The following UBR7 variants were observed in gnomAD, a reference collection of about 807,000 sequenced individuals.
UBR7 encodes ubiquitin protein ligase E3 component n-recognin 7.
UBR7 carries 22 observed loss-of-function variants against 57.0 expected under a neutral mutation model. The observed-to-expected ratio is 0.39, with a 90% CI of 0.28 to 0.55. The LOEUF is 0.55. Ranked by LOEUF, UBR7 falls within the 20% of genes least tolerant of loss-of-function variation. The pLI, the probability that UBR7 is intolerant of heterozygous loss-of-function variation, is 0.69. For synonymous variants in UBR7, 167 were observed against 179.8 expected, an observed-to-expected ratio of 0.93 and a Z score of 0.57; for missense variants, 395 against 513.2, an observed-to-expected ratio of 0.77 and a Z score of 2.23.
In UBR7 at chr14:93,223,394, C is replaced by CAAAA. The variant is rs34453404; in HGVS notation, c.1185+1037_1185+1040dup. ...TGGGTGACAGAGCAAGACTCCATCT[C>CAAAA]AAAAAAAAAAAAAAAAAAAAGAACT... On this transcript the variant is annotated intron_variant, in intron 10 of 10. Coordinates refer to ENST00000013070, the MANE Select transcript of UBR7 (RefSeq NM_175748.4). Among the ~76,000 whole-genome samples, 149 of 94,096 alleles carry CAAAA rather than the reference C, an allele frequency of 1.6e-3. 1 individual carries two copies. In the South Asian group the frequency reaches 0.035, roughly 22 times the overall value. The allele number at this position is 94,096 out of a possible 152,430, so 61.7% of individuals were successfully genotyped here.
At position 93,212,053 on chromosome 14, in the gene UBR7, G is replaced by C. The variant is rs765995405; in HGVS notation, c.367G>C (p.Gly123Arg). The C allele has an allele frequency of 1.9e-6, 3 of 1,612,468 alleles. No individual in the cohort carries two copies. The highest frequency in any genetic ancestry group is 2.5e-6 in the Non-Finnish European group (3 of 1,179,062). Residue 123 changes from glycine (G) to arginine (R), a missense_variant, in exon 4 of 11, where the codon GGC becomes CGC. Coordinates refer to ENST00000013070, the MANE Select transcript of UBR7 (RefSeq NM_175748.4). Reference protein sequence around the residue: ...LLPDKAKVNSGNKYNDNFFGL... With the variant: ...LLPDKAKVNSRNKYNDNFFGL... ...TCAGGACAAAGCAAAGGTAAATTCT[G>C]GCAATAAGTACAATGACAACTTTTT...
chr14:93,224,479 T>C (rs1001916038), intron 10 of UBR7, among the ~76,000 whole-genome samples: 19 of 149,854 alleles, frequency 1.3e-4, no homozygotes, highest in Admixed American at 1.0e-3. Context: ...CCCAGGTTCA[T>C]GTCATTCTCC....
At chr14:93,223,916 C>G (rs140488897) in intron 10 of UBR7, 3 of 724,862 alleles carry the variant, frequency 4.1e-6, no homozygotes, top group East Asian at 5.1e-5. Context: ...GTTCTTGACC[C>G]GCGGTGGGGA....
intron 10 of UBR7, chr14:93,223,669 C>A (rs1366551715): frequency 8.8e-6 from 12 of 1,364,920 alleles, no homozygotes; most frequent in Admixed American, 1.8e-5. Context: ...GGTGGGGCAG[C>A]GGGAAACTTG....
Position 93,218,640 on chromosome 14 carries a change from G to C in UBR7, c.715G>C (p.Asp239His), listed in dbSNP as rs774192829. The change falls in exon 7 of 11, where the codon GAT becomes CAT. Residue 239 changes from aspartate (D) to histidine (H), a missense_variant. Physicochemically the swap from Asp to His is moderately conservative, Grantham distance 81 (BLOSUM62 -1). Coordinates refer to ENST00000013070, the MANE Select transcript of UBR7 (RefSeq NM_175748.4). ...GEHQDSTLKE[D>H]VPEQGKDDVR... ...GCATCAAGATAGTACCCTCAAAGAGGATGTTCCAGAACAGGGAAAGGATGA... is the reference window on the plus strand; with the variant it reads ...GCATCAAGATAGTACCCTCAAAGAGCATGTTCCAGAACAGGGAAAGGATGA... 3.1e-6 allele frequency: 5 copies of C among 1,614,134 alleles called. No individual in the cohort carries two copies. Among genetic ancestry groups the C allele is most frequent in the Non-Finnish European group, 8.5e-7 (1 of 1,180,034 alleles).
intron 6 of UBR7, among the ~76,000 whole-genome samples, chr14:93,215,566 G>A (rs1894574039): frequency 6.6e-6 from 1 of 151,782 alleles, no homozygotes; most frequent in East Asian, 1.9e-4. Flanking sequence ...GCGCTTGCCT[G>A]TAATCCCAGC....
At chr14:93,208,315 A>T (rs1894409796) in intron 1 of UBR7, among the ~76,000 whole-genome samples, 1 of 152,012 alleles carries the variant, frequency 6.6e-6, no homozygotes, top group Non-Finnish European at 1.5e-5. Context: ...TGTGGTATGA[A>T]CTGAGATCAT....
At chr14:93,219,722 C>T (rs573222795) in intron 8 of UBR7, among the ~76,000 whole-genome samples, 1 of 152,230 alleles carries the variant, frequency 6.6e-6, no homozygotes, top group South Asian at 2.1e-4. Context: ...GCCTGTAATC[C>T]CAGCACTCTG....
intron 6 of UBR7, among the ~76,000 whole-genome samples, chr14:93,216,395 T>G (rs375916588): frequency 1.1e-4 from 16 of 152,258 alleles, no homozygotes; most frequent in East Asian, 3.9e-4. Flanking sequence ...AACAACTAAT[T>G]AATGAATGGT....
At position 93,218,730 on chromosome 14, in the gene UBR7, C is replaced by T. The variant is rs1352937537; in HGVS notation, c.805C>T (p.Leu269Phe). The T allele has an allele frequency of 1.2e-6, 2 of 1,613,118 alleles. No homozygotes were observed. The highest frequency in any genetic ancestry group is 2.2e-5 in the East Asian group (1 of 44,842). Residue 269 changes from leucine (L) to phenylalanine (F), a missense_variant, in exon 7 of 11, where the codon CTC (leucine) becomes TTC (phenylalanine). Leu to Phe is a conservative substitution (Grantham distance 22, BLOSUM62 0). Transcript: ENST00000013070. ...TGCCGGCTCTAGTTCTGAATCTGAT[C>T]TCCAGGTAATGTGTGAAGTACGAGC... ...PCAGSSSESD[L>F]QTVFKNESLN...
intron 3 of UBR7, 136 bp downstream of exon 3, chr14:93,210,844 T>C (rs1194554739): frequency 2.8e-6 from 2 of 727,072 alleles, no homozygotes; most frequent in East Asian, 5.5e-5. Context: ...GGCCATTTCA[T>C]TTTTTACTTT....
intron 3 of UBR7, among the ~76,000 whole-genome samples, chr14:93,211,525 C>T (rs1894484251): frequency 6.6e-6 from 1 of 151,134 alleles, no homozygotes; most frequent in South Asian, 2.1e-4. Flanking sequence ...CCAGCCTGGG[C>T]GACAGAGCGA....
chr14:93,228,971 T>C lies in UBR7; in HGVS notation c.*1936T>C, dbSNP rs895666918. On this transcript the variant is annotated 3_prime_UTR_variant, in exon 11 of 11. Coordinates refer to ENST00000013070, the MANE Select transcript of UBR7 (RefSeq NM_175748.4). ...TTCTTTCACATTAACTGGAAACCTC[T>C]TTTTTTACCTGTTGTTCACAACTAG... is the stretch of plus-strand genomic sequence containing the variant. 1 of 453,914 alleles carries C rather than the reference T, an allele frequency of 2.2e-6. No homozygotes were observed. Among genetic ancestry groups the C allele is most frequent in the Non-Finnish European group, 4.4e-6 (1 of 226,788 alleles). 28.1% of individuals were successfully genotyped at this position (453,914 alleles called of 1,614,324 possible).
chr14:93,219,497 T>C, intron 8 of UBR7, 136 bp downstream of exon 8: 1 of 1,205,884 alleles, frequency 8.3e-7, no homozygotes, highest in Non-Finnish European at 1.2e-6. Context: ...ACAATATATT[T>C]ATGAAATTAA....
chr14:93,222,249 A>G (rs1894724178), intron 9 of UBR7, 64 bp from the exon 10 acceptor site: 2 of 1,206,258 alleles, frequency 1.7e-6, no homozygotes, highest in Non-Finnish European at 2.5e-6. Flanking sequence ...AATGGCAAAG[A>G]ATATTTTGTT....
chr14:93,228,644 T>C lies in UBR7; in HGVS notation c.*1609T>C. ...CATGCTGGTGAGCCCTGAGCTGGCC[T>C]TGTGCAGAGGGCTCCGTTCAAAGGC... is the stretch of plus-strand genomic sequence containing the variant. On this transcript the variant is annotated 3_prime_UTR_variant, in exon 11 of 11. Transcript: ENST00000013070. The C allele has an allele frequency of 2.2e-6, 1 of 454,132 alleles. No homozygotes were observed. Among genetic ancestry groups the C allele is most frequent in the African/African-American group, 2.0e-5 (1 of 50,134 alleles). The allele number at this position is 454,132 out of a possible 1,614,324, so 28.1% of individuals were successfully genotyped here. A position where few individuals can be genotyped will look rare whatever the true frequency, so the allele number is the denominator to read the frequency against.
At chr14:93,220,563 C>A in intron 9 of UBR7, 152 bp downstream of exon 9, 1 of 907,834 alleles carries the variant, frequency 1.1e-6, no homozygotes, top group Non-Finnish European at 1.7e-6. Flanking sequence ...GGTGGGTATT[C>A]AGCTGCTTTT....
intron 7 of UBR7, 110 bp from the exon 8 acceptor site, chr14:93,219,102 G>T: frequency 1.5e-6 from 2 of 1,291,002 alleles, no homozygotes; most frequent in Non-Finnish European, 2.2e-6. Context: ...TAAACTTATG[G>T]CTTTGGATTT....
intron 1 of UBR7, among the ~76,000 whole-genome samples, chr14:93,208,622 G>A (rs558347224): frequency 2.6e-5 from 4 of 151,564 alleles, no homozygotes; most frequent in Admixed American, 6.6e-5. Flanking sequence ...GAAAGTGTGC[G>A]TGTTCCCACA....
Sources: gnomAD v4.1 joint callset for allele counts (sites outside exome capture counted in the v4.1 genomes callset) on GRCh38, gnomAD v4.1.1 for gene constraint, MANE v1.5 for transcripts, NCBI Gene and HGNC (gene_info 2026-07-23, HGNC 2026-07-21) for gene names.